The following RNF111 variants were observed in gnomAD, a reference collection of about 807,000 sequenced individuals.
RNF111 encodes E3 ubiquitin-protein ligase Arkadia.
RNF111 carries 17 observed loss-of-function variants against 95.1 expected under a neutral mutation model. That is an observed-to-expected ratio of 0.18 (90% CI 0.12 to 0.27). RNF111 has a LOEUF of 0.27. RNF111 is among the 10% of genes least tolerant of loss of function. The pLI, the probability that RNF111 is intolerant of heterozygous loss-of-function variation, is 1.00. For synonymous variants in RNF111, 440 were observed against 414.8 expected, an observed-to-expected ratio of 1.06 and a Z score of -0.74; for missense variants, 1,189 against 1,210.4, an observed-to-expected ratio of 0.98 and a Z score of 0.26.
intron 1 of RNF111, among the ~76,000 whole-genome samples, chr15:58,997,931 G>A (rs2039153029): frequency 6.6e-6 from 1 of 150,776 alleles, no homozygotes; most frequent in South Asian, 2.1e-4. Context: ...TTGAAGCTGA[G>A]TCTCACTCCG....
At position 58,997,158 on chromosome 15, in the gene RNF111, A is replaced by G. The variant is rs546195401; in HGVS notation, c.-20+9090A>G. On this transcript the variant is annotated intron_variant, in intron 1 of 13. Transcript: ENST00000348370. ...TATAAGGTACAAAGAATGTACAGGGAAAAAAAACAAGGCTCCTTGCCATTC... is the reference window on the plus strand; with the variant it reads ...TATAAGGTACAAAGAATGTACAGGGGAAAAAAACAAGGCTCCTTGCCATTC... Among the ~76,000 whole-genome samples, 37 of 152,030 alleles carry G rather than the reference A, an allele frequency of 2.4e-4. No homozygotes were observed. The South Asian group carries it at 5.0e-3, about 21-fold the overall frequency.
Position 59,031,617 on chromosome 15 carries a change from C to T in RNF111, c.795C>T (p.Ser265=), listed in dbSNP as rs138414973. ...GTGAGAATGACCTCAGCAGTGAATC[C>T]TCTTCTAGCTCATCAACTGAAGGAG... is the stretch of plus-strand genomic sequence containing the variant. The part of the protein sequence containing the change: ...SSSENDLSSE[S]SSSSSTEGEE... The change falls in exon 2 of 14, where the codon TCC becomes TCT. Residue 265 remains serine (S), a synonymous_variant. Coordinates refer to ENST00000348370, the MANE Select transcript of RNF111 (RefSeq NM_017610.8). 4.3e-6 allele frequency: 7 copies of T among 1,614,012 alleles called. No homozygotes were observed. The highest frequency in any genetic ancestry group is 3.3e-5 in the Admixed American group (2 of 59,998).
intron 1 of RNF111, among the ~76,000 whole-genome samples, chr15:58,998,450 T>C (rs1172496595): frequency 6.6e-6 from 1 of 152,144 alleles, no homozygotes; most frequent in East Asian, 1.9e-4. Context: ...CCTCATTGTG[T>C]CCGTATGTTC....
chr15:59,002,038 G>C (rs1250915739), intron 1 of RNF111, among the ~76,000 whole-genome samples: 1 of 152,180 alleles, frequency 6.6e-6, no homozygotes, highest in South Asian at 2.1e-4. Flanking sequence ...GGCGAAATGA[G>C]GTTAATGACA....
At chr15:59,014,108 A>G (rs1329307920) in intron 1 of RNF111, among the ~76,000 whole-genome samples, 2 of 152,110 alleles carry the variant, frequency 1.3e-5, no homozygotes, top group Non-Finnish European at 2.9e-5. Flanking sequence ...TAAATTTTGG[A>G]GTAGAATTAA....
At chr15:59,012,620 G>A (rs990710205) in intron 1 of RNF111, among the ~76,000 whole-genome samples, 13 of 152,156 alleles carry the variant, frequency 8.5e-5, no homozygotes, top group East Asian at 1.9e-4. Flanking sequence ...GAAAAATTAC[G>A]TATAATTTTT....
chr15:59,084,021 C>A (rs2078825514), intron 8 of RNF111, 108 bp from the exon 9 acceptor site: 1 of 834,306 alleles, frequency 1.2e-6, no homozygotes, highest in East Asian at 3.4e-5. Context: ...TATGACTAAT[C>A]TATAGATGTT....
At chr15:59,062,716 C>T (rs2042494350) in intron 5 of RNF111, among the ~76,000 whole-genome samples, 1 of 152,144 alleles carries the variant, frequency 6.6e-6, no homozygotes, top group Non-Finnish European at 1.5e-5. Flanking sequence ...TCTCATTCTA[C>T]AGGTGAAGTA....
intron 1 of RNF111, among the ~76,000 whole-genome samples, chr15:59,007,603 C>G (rs1271252016): frequency 6.6e-6 from 1 of 152,124 alleles, no homozygotes; most frequent in East Asian, 1.9e-4. Context: ...GTGTGCATAA[C>G]TAACATTATT....
intron 4 of RNF111, among the ~76,000 whole-genome samples, chr15:59,056,110 A>G (rs1390029934): frequency 1.3e-5 from 2 of 152,194 alleles, no homozygotes; most frequent in African/African-American, 4.8e-5. Context: ...AGCTCAAACT[A>G]GTTTAGTTTG....
At chr15:59,089,410 G>A (rs2078987125) in intron 10 of RNF111, among the ~76,000 whole-genome samples, 2 of 152,152 alleles carry the variant, frequency 1.3e-5, no homozygotes, top group Admixed American at 1.3e-4. Context: ...AGGATCTTAA[G>A]ACAATTTTAC....
chr15:59,057,625 T>C (rs2042251896), intron 4 of RNF111, among the ~76,000 whole-genome samples: 1 of 152,342 alleles, frequency 6.6e-6, no homozygotes, highest in Non-Finnish European at 1.5e-5. Context: ...AAATTTCTTT[T>C]ACTTTCTGAT....
intron 6 of RNF111, among the ~76,000 whole-genome samples, chr15:59,071,276 G>C (rs1305351709): frequency 6.9e-6 from 1 of 144,812 alleles, no homozygotes; most frequent in African/African-American, 2.6e-5. Context: ...TCCAGCCTGG[G>C]CAACAGAGCG....
chr15:59,091,917 C>T (rs940973009), intron 12 of RNF111, among the ~76,000 whole-genome samples: 2 of 152,140 alleles, frequency 1.3e-5, no homozygotes, highest in Admixed American at 6.5e-5. Context: ...GAGAATCTAT[C>T]GCTGCTGCTG....
intron 6 of RNF111, among the ~76,000 whole-genome samples, chr15:59,075,357 T>C (rs1040358484): frequency 3.3e-5 from 5 of 152,262 alleles, no homozygotes; most frequent in African/African-American, 9.6e-5. Context: ...TTTATTCTTA[T>C]GTTTTTGAAC....
At position 59,066,855 on chromosome 15, in the gene RNF111, A is replaced by T; in HGVS notation, c.1458A>T (p.Pro486=). The T allele has an allele frequency of 6.2e-7, 1 of 1,613,994 alleles. No individual in the cohort carries two copies. The highest frequency in any genetic ancestry group is 1.3e-5 in the African/African-American group (1 of 74,970). Reference sequence around the variant, plus strand: ...CTTCCTGCTGTCCCCAGCACTCACCATGTGGAGGGTCGTCACAGAACCACC... The same window carrying T: ...CTTCCTGCTGTCCCCAGCACTCACCTTGTGGAGGGTCGTCACAGAACCACC... ...RLPSCCPQHS[P]CGGSSQNHHA... is the part of the protein sequence containing the mutation. Residue 486 remains proline, a synonymous_variant, in exon 6 of 14, where the codon CCA becomes CCT. Transcript: ENST00000348370.
chr15:59,068,358 G>C (rs1016351590), intron 6 of RNF111, among the ~76,000 whole-genome samples: 1 of 152,250 alleles, frequency 6.6e-6, no homozygotes, highest in Admixed American at 6.5e-5. Context: ...TGTAATTCCA[G>C]CACTTTGGGA....
At chr15:59,005,989 G>T (rs1457223149) in intron 1 of RNF111, among the ~76,000 whole-genome samples, 3 of 152,148 alleles carry the variant, frequency 2.0e-5, no homozygotes, top group Non-Finnish European at 4.4e-5. Context: ...CCTGAGCAAA[G>T]AATTCCAAAA....
intron 1 of RNF111, among the ~76,000 whole-genome samples, chr15:59,022,678 C>A (rs1365515776): frequency 6.6e-6 from 1 of 152,202 alleles, no homozygotes; most frequent in Non-Finnish European, 1.5e-5. Flanking sequence ...CCTCTTCACA[C>A]TCCATATAAA....
Sources: allele counts gnomAD v4.1 joint callset (sites outside exome capture counted in the v4.1 genomes callset), GRCh38; gene constraint gnomAD v4.1.1; transcripts MANE v1.5; gene names NCBI Gene and HGNC (gene_info 2026-07-23, HGNC 2026-07-21).